The following PRELID2 variants were observed in gnomAD, a reference collection of about 807,000 sequenced individuals.
The protein encoded by PRELID2 is PRELI domain containing 2.
PRELID2 carries 25 observed loss-of-function variants against 28.4 expected under a neutral mutation model. The observed-to-expected ratio is 0.88, with a 90% CI of 0.64 to 1.23. PRELID2 has a LOEUF of 1.23. Among genes scored for constraint, PRELID2 ranks in the 50% most tolerant of loss-of-function variants. The probability of loss-of-function intolerance (pLI) is 0.00; values close to 1 mark genes in which losing one functional copy is unlikely to be tolerated. For synonymous variants in PRELID2, 76 were observed against 71.6 expected, an observed-to-expected ratio of 1.06 and a Z score of -0.31; for missense variants, 201 against 214.4, an observed-to-expected ratio of 0.94 and a Z score of 0.39.
At chr5:145,364,971 T>C in the PRELID2 span, among the ~76,000 whole-genome samples, 1 of 152,116 alleles carries the variant, frequency 6.6e-6, no homozygotes, top group South Asian at 2.1e-4. Context: ...CTACACAAAG[T>C]AGTCAGAAAG....
intron 1 of PRELID2, among the ~76,000 whole-genome samples, chr5:145,661,706 G>T (rs1170684353): frequency 6.8e-6 from 1 of 147,262 alleles, no homozygotes; most frequent in Non-Finnish European, 1.5e-5. Flanking sequence ...ATGCTTGCAA[G>T]TGCCATTTAG....
intron 1 of PRELID2, 94 bp downstream of exon 1, chr5:145,835,083 C>T: frequency 1.2e-6 from 1 of 840,528 alleles, no homozygotes; most frequent in Non-Finnish European, 1.9e-6. Flanking sequence ...GAAAGAGACA[C>T]TGGCGGTGCC....
chr5:145,485,279 A>C (rs768242312), intron 1 of PRELID2, among the ~76,000 whole-genome samples: 1 of 152,258 alleles, frequency 6.6e-6, no homozygotes, highest in South Asian at 2.1e-4. Context: ...GGTTCTAGGC[A>C]GTGCAAGTGG....
chr5:145,479,473 C>T (rs188101926), intron 1 of PRELID2, among the ~76,000 whole-genome samples: 6 of 152,132 alleles, frequency 3.9e-5, no homozygotes, highest in Admixed American at 2.0e-4. Flanking sequence ...CCTGAACTTA[C>T]GGCCCCTGTG....
chr5:145,760,381 CAAG>C lies in PRELID2; in HGVS notation c.*152_*154del, dbSNP rs1310636152. ...AGGAGGGTATCATTTTATGTCCTGG[CAAG>C]AAGGTCTTCTCTTCTTGAAGCTGCC... On this transcript the variant is annotated 3_prime_UTR_variant, in exon 7 of 7. Transcript: ENST00000683046. 2.0e-5 allele frequency: 3 copies of C among 151,996 alleles called. No individual in the cohort carries two copies. The highest frequency in any genetic ancestry group is 1.3e-4 in the Admixed American group (2 of 15,250). 9.4% of individuals were successfully genotyped at this position (151,996 alleles called of 1,614,324 possible).
At chr5:145,621,610 A>G (rs6876768) in intron 1 of PRELID2, among the ~76,000 whole-genome samples, 26,790 of 152,174 alleles carry the variant, frequency 0.18, 3,918 homozygotes, top group African/African-American at 0.39. Flanking sequence ...TCACTGATAT[A>G]TGGGAGGCAA....
the PRELID2 span, among the ~76,000 whole-genome samples, chr5:145,347,927 C>T: frequency 6.6e-6 from 1 of 151,972 alleles, no homozygotes; most frequent in Non-Finnish European, 1.5e-5. Flanking sequence ...GAGGGAAAGA[C>T]GCTTTACCAT....
the PRELID2 span, among the ~76,000 whole-genome samples, chr5:145,324,867 T>C: frequency 1.2e-4 from 19 of 152,190 alleles, no homozygotes; most frequent in Admixed American, 7.2e-4. Context: ...GTGTCTGGAT[T>C]CCAAACTTCA....
At chr5:145,537,029 TA>T (rs1263878693) in intron 1 of PRELID2, among the ~76,000 whole-genome samples, 1 of 151,892 alleles carries the variant, frequency 6.6e-6, no homozygotes, top group East Asian at 1.9e-4. Context: ...AGAAAACTGA[TA>T]AAACAAAGAG....
chr5:145,779,387 G>A (rs977848767), intron 5 of PRELID2, among the ~76,000 whole-genome samples: 19 of 152,140 alleles, frequency 1.2e-4, no homozygotes, highest in African/African-American at 4.1e-4. Context: ...TTCACATGGT[G>A]TCATTTATAA....
intron 1 of PRELID2, among the ~76,000 whole-genome samples, chr5:145,484,610 G>C (rs1752197019): frequency 6.6e-6 from 1 of 152,116 alleles, no homozygotes; most frequent in Admixed American, 6.5e-5. Flanking sequence ...CAGAGTATAA[G>C]ATCTTAAAAG....
At chr5:145,441,428 T>G in the PRELID2 span, among the ~76,000 whole-genome samples, 7 of 152,220 alleles carry the variant, frequency 4.6e-5, no homozygotes, top group African/African-American at 1.7e-4. Flanking sequence ...CTCACACTTA[T>G]CTCAGTTTCC....
chr5:145,302,216 A>G, the PRELID2 span, among the ~76,000 whole-genome samples: 63,989 of 151,306 alleles, frequency 0.42, 14,376 homozygotes, highest in African/African-American at 0.58. Context: ...CTGGAGTGCA[A>G]TGGCTCAATC....
At chr5:145,633,241 CTTG>C (rs1407888619) in intron 1 of PRELID2, among the ~76,000 whole-genome samples, 6 of 152,144 alleles carry the variant, frequency 3.9e-5, no homozygotes, top group Admixed American at 2.0e-4. Context: ...ACAATAAATT[CTTG>C]TTGTTGTAAG....
downstream of PRELID2, chr5:145,754,135 C>G (rs1757196772): frequency 6.6e-6 from 1 of 152,224 alleles, no homozygotes; most frequent in African/African-American, 2.4e-5. Flanking sequence ...TGTCCTGTAC[C>G]TTGCAATTTG....
At chr5:145,534,757 GA>G in intron 1 of PRELID2, among the ~76,000 whole-genome samples, 1 of 151,898 alleles carries the variant, frequency 6.6e-6, no homozygotes, top group African/African-American at 2.4e-5. Flanking sequence ...AAACCAAGCT[GA>G]TACGTATCAC....
At chr5:145,316,508 C>T in the PRELID2 span, among the ~76,000 whole-genome samples, 2 of 152,304 alleles carry the variant, frequency 1.3e-5, no homozygotes, top group African/African-American at 4.8e-5. Flanking sequence ...GTTACCTCTT[C>T]TCCACGCCCA....
At chr5:145,488,447 T>G (rs1294080329) in intron 1 of PRELID2, among the ~76,000 whole-genome samples, 1 of 152,226 alleles carries the variant, frequency 6.6e-6, no homozygotes, top group African/African-American at 2.4e-5. Context: ...GTCAATTTAC[T>G]GTTTTTGTTT....
At chr5:145,413,014 C>T in the PRELID2 span, among the ~76,000 whole-genome samples, 1 of 152,088 alleles carries the variant, frequency 6.6e-6, no homozygotes, top group East Asian at 1.9e-4. Flanking sequence ...ACCTGTCCCC[C>T]CTTGACACAT....
Sources: gnomAD v4.1 joint callset for allele counts (sites outside exome capture counted in the v4.1 genomes callset) on GRCh38, gnomAD v4.1.1 for gene constraint, MANE v1.5 for transcripts, NCBI Gene and HGNC (gene_info 2026-07-23, HGNC 2026-07-21) for gene names.